The following RBFOX1 variants were observed in gnomAD, a reference collection of about 807,000 sequenced individuals.
RBFOX1 encodes RNA binding fox-1 homolog 1.
In RBFOX1, 8 loss-of-function variants were observed where a neutral mutation model predicts 57.7. The ratio of observed to expected loss-of-function variants is 0.14; its 90% CI spans 0.08 to 0.25. The LOEUF (loss-of-function observed/expected upper bound fraction) is 0.25. Ranked by LOEUF, RBFOX1 falls within the 10% of genes least tolerant of loss-of-function variation. RBFOX1 has a pLI of 1.00. For missense variants in RBFOX1, 611 were observed against 548.5 expected (o/e 1.11, Z -1.14); for synonymous variants, 326 against 222.4 (o/e 1.47, Z -4.15).
chr16:6,267,130 A>G (rs2074606338), intron 1 of RBFOX1, among the ~76,000 whole-genome samples: 1 of 152,148 alleles, frequency 6.6e-6, no homozygotes, highest in Non-Finnish European at 1.5e-5. Context: ...CCCACTTGGA[A>G]CTGAATTGAT....
Position 6,328,478 on chromosome 16 carries a change from T to G in RBFOX1, c.-64+11421T>G, listed in dbSNP as rs990103498. On this transcript the variant is annotated intron_variant, in intron 2 of 15. Transcript: ENST00000550418. ...CATTGTGAGGCCAAATAAGCTAGGATTATTTTTGGGTGTATATGCTCAATA... is the reference window on the plus strand; with the variant it reads ...CATTGTGAGGCCAAATAAGCTAGGAGTATTTTTGGGTGTATATGCTCAATA... Among the ~76,000 whole-genome samples the G allele has an allele frequency of 2.0e-5, 3 of 152,146 alleles. 1 individual carries two copies. The highest frequency in any genetic ancestry group is 7.2e-5 in the African/African-American group (3 of 41,436).
rs17140475 is a variant in RBFOX1 at position 6,522,048 on chromosome 16, T to C, written c.-63-132555T>C. The stretch of plus-strand genomic sequence containing the variant: ...TTTCTAATGAAAGTGTTAGGAGATT[T>C]GGCAGAGTAAAAACGTCCTTGCATC... On this transcript the variant is annotated intron_variant, in intron 2 of 15. Transcript: ENST00000550418. Among the ~76,000 whole-genome samples, 322 of 152,304 alleles carry C rather than the reference T, an allele frequency of 2.1e-3. 5 individuals carry two copies. The highest frequency in any genetic ancestry group is 0.021 in the East Asian group (109 of 5,168).
chr16:6,361,034 G>A (rs538510777), intron 2 of RBFOX1, among the ~76,000 whole-genome samples: 3 of 151,906 alleles, frequency 2.0e-5, no homozygotes, highest in East Asian at 1.9e-4. Context: ...AAGCTGAGCC[G>A]TTGCCATTAA....
chr16:6,178,242 A>G (rs1414626426), intron 1 of RBFOX1, among the ~76,000 whole-genome samples: 2 of 130,910 alleles, frequency 1.5e-5, no homozygotes, highest in Admixed American at 1.0e-4. Flanking sequence ...GCTGGAGTAC[A>G]GTGGTGAGAT....
intron 3 of RBFOX1, among the ~76,000 whole-genome samples, chr16:5,793,982 G>A (rs191287250): frequency 6.6e-6 from 1 of 152,254 alleles, no homozygotes; most frequent in Admixed American, 6.5e-5. Context: ...TCATGAAACT[G>A]CAAGGTGTTG....
chr16:6,893,854 A>T (rs2066110318), intron 3 of RBFOX1, among the ~76,000 whole-genome samples: 1 of 152,176 alleles, frequency 6.6e-6, no homozygotes, highest in South Asian at 2.1e-4. Context: ...CAATGGAATG[A>T]ATTGTATGGG....
chr16:6,380,536 G>C (rs57095275), intron 2 of RBFOX1, among the ~76,000 whole-genome samples: 64,069 of 149,350 alleles, frequency 0.43, 13,975 homozygotes, highest in South Asian at 0.62. Flanking sequence ...GTGAGTTGAA[G>C]TTCTGGGGGG....
At chr16:7,606,822 G>A (rs906335391) in intron 9 of RBFOX1, among the ~76,000 whole-genome samples, 1 of 152,146 alleles carries the variant, frequency 6.6e-6, no homozygotes, top group Admixed American at 6.5e-5. Context: ...GAATTCTCTA[G>A]TATCTCGAGG....
chr16:5,360,706 G>T (rs910117112), intron 1 of RBFOX1, among the ~76,000 whole-genome samples: 5 of 152,216 alleles, frequency 3.3e-5, no homozygotes, highest in East Asian at 1.9e-4. Context: ...GAAACTGGCA[G>T]GGTTGAAGGA....
intron 1 of RBFOX1, among the ~76,000 whole-genome samples, chr16:6,258,490 A>G (rs984659693): frequency 6.6e-6 from 1 of 152,168 alleles, no homozygotes; most frequent in Non-Finnish European, 1.5e-5. Flanking sequence ...GTTTCCAAAT[A>G]ATCTTCCATC....
At position 5,489,079 on chromosome 16, in the gene RBFOX1, A is replaced by G. The variant is rs372095367; in HGVS notation, c.258+21825A>G. On this transcript the variant is annotated intron_variant, in intron 2 of 2. Coordinates refer to the RBFOX1 transcript ENST00000585867. ...GTCCTAACTTGCCCACAGTCACACC[A>G]CAAGTAAGCAGCAGTGTCAGACGCT... 2.0e-5 allele frequency among the ~76,000 whole-genome samples: 3 copies of G among 152,344 alleles called. No individual in the cohort carries two copies. The East Asian group carries it at 5.8e-4, about 29-fold the overall frequency.
intron 4 of RBFOX1, among the ~76,000 whole-genome samples, chr16:7,146,249 A>G (rs1035632023): frequency 2.0e-5 from 3 of 152,198 alleles, no homozygotes; most frequent in Admixed American, 1.3e-4. Flanking sequence ...GGAACAGCAG[A>G]TGCCACGTAT....
At chr16:5,818,458 C>G (rs1332761407) in intron 3 of RBFOX1, among the ~76,000 whole-genome samples, 2 of 152,266 alleles carry the variant, frequency 1.3e-5, no homozygotes, top group East Asian at 3.9e-4. Context: ...TTTCTTTACT[C>G]AGTCAATAAG....
At chr16:7,144,928 C>T (rs551127824) in intron 4 of RBFOX1, among the ~76,000 whole-genome samples, 101 of 152,248 alleles carry the variant, frequency 6.6e-4, no homozygotes, top group African/African-American at 2.3e-3. Context: ...GCACCTTTGC[C>T]TACATGAAAG....
chr16:5,370,843 T>G (rs2065840355), intron 1 of RBFOX1, among the ~76,000 whole-genome samples: 1 of 152,114 alleles, frequency 6.6e-6, no homozygotes, highest in Non-Finnish European at 1.5e-5. Flanking sequence ...CATCCCCCAA[T>G]TTTTAGCAGG....
chr16:7,551,462 G>A (rs1259773126), intron 5 of RBFOX1, among the ~76,000 whole-genome samples: 1 of 152,212 alleles, frequency 6.6e-6, no homozygotes, highest in Non-Finnish European at 1.5e-5. Flanking sequence ...CTTGCTGGGT[G>A]AAAGCCATGA....
intron 3 of RBFOX1, among the ~76,000 whole-genome samples, chr16:6,941,706 T>C (rs554660293): frequency 1.3e-4 from 20 of 152,230 alleles, no homozygotes; most frequent in Admixed American, 1.2e-3. Context: ...GAAAGGTGGA[T>C]AGACAGAGAG....
intron 1 of RBFOX1, among the ~76,000 whole-genome samples, chr16:5,280,848 C>G (rs898390297): frequency 6.6e-6 from 1 of 150,986 alleles, no homozygotes; most frequent in Non-Finnish European, 1.5e-5. Context: ...GTTAGCCTCA[C>G]TAGTGGTTTA....
chr16:6,866,210 C>G (rs1011174227), intron 3 of RBFOX1, among the ~76,000 whole-genome samples: 1 of 151,960 alleles, frequency 6.6e-6, no homozygotes, highest in Non-Finnish European at 1.5e-5. Flanking sequence ...TTTATTACTT[C>G]AGTGTCTTCT....
Sources: allele counts gnomAD v4.1 joint callset (sites outside exome capture counted in the v4.1 genomes callset), GRCh38; gene constraint gnomAD v4.1.1; transcripts MANE v1.5; gene names NCBI Gene and HGNC (gene_info 2026-07-23, HGNC 2026-07-21).